BLVRA: variants seen among roughly 807,000 people sequenced by gnomAD.
BLVRA encodes biliverdin reductase A.
Under a neutral mutation model 32.8 loss-of-function variants are expected in BLVRA, and 22 were observed. That is an observed-to-expected ratio of 0.67 (90% CI 0.48 to 0.96). The LOEUF (loss-of-function observed/expected upper bound fraction) is 0.96, where lower values mean the gene tolerates loss of function less well. Among genes scored for constraint, BLVRA ranks in the 40% least tolerant of loss-of-function variants. The pLI is 0.00. For missense variants in BLVRA, 323 were observed against 358.1 expected, an observed-to-expected ratio of 0.90 and a Z score of 0.79; for synonymous variants, 119 against 141.3, an observed-to-expected ratio of 0.84 and a Z score of 1.12.
rs535553271 is a variant in BLVRA, at chr7:43,804,488, T to A, written c.632+641T>A. On this transcript the variant is annotated intron_variant, in intron 7 of 7. Coordinates refer to ENST00000265523, the MANE Select transcript of BLVRA (RefSeq NM_000712.4). ...AATTATGTTAACTCTGTGACCTGAT[T>A]TTTTTCCTGTGTTTTCTTATGAAAG... Among the ~76,000 whole-genome samples the A allele has an allele frequency of 1.1e-3, 164 of 152,292 alleles. 4 individuals carry two copies. Among genetic ancestry groups the A allele is most frequent in the Non-Finnish European group, 2.9e-4 (20 of 68,014 alleles).
At position 43,791,306 on chromosome 7, in the gene BLVRA, C is replaced by T; in HGVS notation, c.192C>T (p.Ser64=). The part of the protein sequence containing the change: ...VQQISLEDAL[S]SQEVEVAYIC... ...AGATTTCTTTGGAGGATGCTCTTTC[C>T]AGCCAAGAGGTGGAGGTCGCCTATA... The change falls in exon 4 of 8, where the codon TCC becomes TCT. Residue 64 remains serine (S), a synonymous_variant. Transcript: ENST00000265523. 6.2e-7 allele frequency: 1 copy of T among 1,614,068 alleles called. No homozygotes were observed. The highest frequency in any genetic ancestry group is 8.5e-7 in the Non-Finnish European group (1 of 1,179,948).
intron 2 of BLVRA, among the ~76,000 whole-genome samples, chr7:43,780,873 G>A (rs979414139): frequency 2.6e-5 from 4 of 152,174 alleles, no homozygotes; most frequent in South Asian, 2.1e-4. Context: ...TAGGCTGGGC[G>A]CCGTGGCGCA....
At chr7:43,773,607 A>G (rs929456982) in intron 2 of BLVRA, among the ~76,000 whole-genome samples, 22 of 152,296 alleles carry the variant, frequency 1.4e-4, no homozygotes, top group Middle Eastern at 3.4e-3. Flanking sequence ...ATACGTGTGC[A>G]TGTGTCTTTA....
Position 43,787,974 on chromosome 7 carries a change from G to A in BLVRA, c.83G>A (p.Arg28Gln), listed in dbSNP as rs753216810. The A allele has an allele frequency of 7.4e-6, 12 of 1,614,074 alleles. No individual in the cohort carries two copies. The highest frequency in any genetic ancestry group is 2.7e-5 in the African/African-American group (2 of 74,920). ...RAGSVRMRDL[R>Q]NPHPSSAFLN... ...GGCTCCGTGCGGATGAGGGACTTGC[G>A]GAATCCACACCCTTCCTCAGCGTTC... The change falls in exon 3 of 8, where the codon CGG becomes CAG. Residue 28 changes from arginine (R) to glutamine (Q), a missense_variant. Physicochemically the swap from Arg to Gln is conservative, Grantham distance 43 (BLOSUM62 1). Coordinates refer to ENST00000265523, the MANE Select transcript of BLVRA (RefSeq NM_000712.4). The surrounding 1 kb of genome is among the most constrained non-coding windows in gnomAD (Gnocchi z 4.5).
intron 5 of BLVRA, among the ~76,000 whole-genome samples, chr7:43,795,242 A>C (rs1198851355): frequency 6.6e-6 from 1 of 150,586 alleles, no homozygotes; most frequent in East Asian, 2.0e-4. Flanking sequence ...ATAAATAATA[A>C]AAATAGATTG....
chr7:43,799,204 C>G (rs539269128), intron 5 of BLVRA, among the ~76,000 whole-genome samples: 1 of 152,308 alleles, frequency 6.6e-6, no homozygotes, highest in Admixed American at 6.5e-5. Context: ...AGACATCCTC[C>G]TTGCTCCTGA....
intron 3 of BLVRA, among the ~76,000 whole-genome samples, chr7:43,790,180 C>T (rs996928949): frequency 2.0e-5 from 3 of 151,976 alleles, no homozygotes; most frequent in African/African-American, 4.8e-5. Context: ...GACTGCCACC[C>T]TTAGAGGGCT....
intron 2 of BLVRA, among the ~76,000 whole-genome samples, chr7:43,774,401 T>G (rs2095758178): frequency 6.6e-6 from 1 of 152,270 alleles, no homozygotes; most frequent in Non-Finnish European, 1.5e-5. Flanking sequence ...AGGGAATCCT[T>G]TCCCCATTGC....
At chr7:43,764,763 C>T (rs1177096321) in intron 1 of BLVRA, among the ~76,000 whole-genome samples, 1 of 151,190 alleles carries the variant, frequency 6.6e-6, no homozygotes, top group African/African-American at 2.4e-5. Context: ...CGAAAGAGAA[C>T]CCCCCACCCC....
At position 43,791,911 on chromosome 7, in the gene BLVRA, T is replaced by C. The variant is rs143539483; in HGVS notation, c.254+543T>C. On this transcript the variant is annotated intron_variant, in intron 4 of 7. Coordinates refer to ENST00000265523, the MANE Select transcript of BLVRA (RefSeq NM_000712.4). Reference sequence around the variant, plus strand: ...CTTACAGCTGCTCCCACCATGCTGTTTCCCACGGGTAAGATGCTTCCTCTT... The same window carrying C: ...CTTACAGCTGCTCCCACCATGCTGTCTCCCACGGGTAAGATGCTTCCTCTT... 4.3e-4 allele frequency: 70 copies of C among 163,366 alleles called. 1 individual carries two copies. The East Asian group carries it at 0.012, about 28-fold the overall frequency. 10.1% of individuals were successfully genotyped at this position (163,366 alleles called of 1,614,324 possible).
At chr7:43,804,815 T>C (rs1161878948) in intron 7 of BLVRA, among the ~76,000 whole-genome samples, 6 of 152,216 alleles carry the variant, frequency 3.9e-5, no homozygotes, top group Admixed American at 3.9e-4. Flanking sequence ...TTTAGAGTGT[T>C]TCTGGATGCC....
In BLVRA at chr7:43,787,869, G is replaced by C; in HGVS notation, c.13-35G>C. ...TAGTTTTCTGCTCGATGCCTACAGT[G>C]TTTTCAGACTCCACCTTGGTCCCTT... On this transcript the variant is annotated intron_variant, in intron 2 of 7. Transcript: ENST00000265523. This position sits in a 1 kb window ranked among gnomAD's most constrained non-coding sequence, Gnocchi z 4.5. 6.2e-7 allele frequency: 1 copy of C among 1,614,110 alleles called. No homozygotes were observed. The highest frequency in any genetic ancestry group is 8.5e-7 in the Non-Finnish European group (1 of 1,180,018).
chr7:43,806,505 G>T (rs2095804166), intron 7 of BLVRA, among the ~76,000 whole-genome samples: 1 of 152,206 alleles, frequency 6.6e-6, no homozygotes, highest in Non-Finnish European at 1.5e-5. Context: ...AGTTTGGGAG[G>T]CCAAGGCAGG....
chr7:43,796,121 CAAAAA>C (rs371922009), intron 5 of BLVRA, among the ~76,000 whole-genome samples: 9 of 66,696 alleles, frequency 1.3e-4, no homozygotes, highest in Non-Finnish European at 2.7e-4. Flanking sequence ...CTCTGTCTCA[CAAAAA>C]AAAAAAAAAA....
intron 1 of BLVRA, chr7:43,764,090 A>C (rs2095745237): frequency 6.6e-6 from 1 of 152,216 alleles, no homozygotes; most frequent in Non-Finnish European, 1.5e-5. Context: ...ATAATTATTG[A>C]GCTTTTAAAA....
chr7:43,789,128 C>T lies in BLVRA; in HGVS notation c.134+1103C>T, dbSNP rs541997181. On this transcript the variant is annotated intron_variant, in intron 3 of 7. Coordinates refer to ENST00000265523, the MANE Select transcript of BLVRA (RefSeq NM_000712.4). ...TTGTGAACTAGATACAGGCACCAGACTAATCCTGTGTAACATCATTTATCC... is the reference window on the plus strand; with the variant it reads ...TTGTGAACTAGATACAGGCACCAGATTAATCCTGTGTAACATCATTTATCC... 2.0e-5 allele frequency among the ~76,000 whole-genome samples: 3 copies of T among 152,278 alleles called. No individual in the cohort carries two copies. The South Asian group carries it at 6.2e-4, about 32-fold the overall frequency.
chr7:43,792,606 C>T, intron 4 of BLVRA, 109 bp from the exon 5 acceptor site: 2 of 1,071,138 alleles, frequency 1.9e-6, no homozygotes, highest in Non-Finnish European at 2.8e-6. Flanking sequence ...GACACATTCA[C>T]ACACAGAAAC....
chr7:43,767,523 A>G, intron 1 of BLVRA: 2 of 1,174,030 alleles, frequency 1.7e-6, no homozygotes, highest in Non-Finnish European at 2.5e-6. Context: ...GTCACCGGCC[A>G]TGTGGTGCTG....
chr7:43,760,317 T>C (rs1203709155), intron 1 of BLVRA, among the ~76,000 whole-genome samples: 1 of 152,240 alleles, frequency 6.6e-6, no homozygotes, highest in Non-Finnish European at 1.5e-5. Context: ...TGATCTACAC[T>C]GCTTATTACT....
Sources: allele counts gnomAD v4.1 joint callset (sites outside exome capture counted in the v4.1 genomes callset), GRCh38; gene constraint gnomAD v4.1.1; non-coding constraint Gnocchi (gnomAD v3.1); transcripts MANE v1.5; gene names NCBI Gene and HGNC (gene_info 2026-07-23, HGNC 2026-07-21).